The following CDC42SE2 variants were observed in gnomAD, a reference collection of about 807,000 sequenced individuals.
CDC42SE2 encodes the protein CDC42 small effector 2.
Under a neutral mutation model 11.5 loss-of-function variants are expected in CDC42SE2, and 3 were observed. The observed-to-expected ratio is 0.26, with a 90% confidence interval of 0.12 to 0.67. CDC42SE2 has a LOEUF of 0.67. Ranked by LOEUF, CDC42SE2 falls within the 30% of genes least tolerant of loss-of-function variation. The pLI, the probability that CDC42SE2 is intolerant of heterozygous loss-of-function variation, is 0.80. For missense variants in CDC42SE2, 82 were observed against 106.8 expected, an observed-to-expected ratio of 0.77 and a Z score of 1.02; for synonymous variants, 33 against 34.8, an observed-to-expected ratio of 0.95 and a Z score of 0.18.
chr5:131,310,756 G>A (rs868446790), intron 1 of CDC42SE2, among the ~76,000 whole-genome samples: 34 of 151,866 alleles, frequency 2.2e-4, no homozygotes, highest in South Asian at 8.3e-4. Context: ...TCAGAGACTA[G>A]GATTGCAACC....
In CDC42SE2 at chr5:131,338,925, G is replaced by C. The variant is rs112928061; in HGVS notation, c.-285-20284G>C. 9.0e-3 allele frequency among the ~76,000 whole-genome samples: 1,371 copies of C among 152,182 alleles called. 23 individuals are homozygous for C. The highest frequency in any genetic ancestry group is 0.032 in the African/African-American group (1,311 of 41,510). On this transcript the variant is annotated intron_variant, in intron 2 of 4. Coordinates refer to ENST00000505065, the MANE Select transcript of CDC42SE2 (RefSeq NM_001375635.1). ...TGAGCCTGACCTTGTGAATTTCGAA[G>C]CAGTAGCAAATGTGAACTGCTCTTT... is the stretch of plus-strand genomic sequence containing the variant.
In CDC42SE2 at chr5:131,394,400, CAGTGGGCCTTTAA is replaced by C. The variant is rs1287535138; in HGVS notation, c.*3311_*3323del. The stretch of plus-strand genomic sequence containing the variant: ...TTTAGCATTTCCAGTGCAGCATTAT[CAGTGGGCCTTTAA>C]AAATACTTCGTAAGTACATTAGCTT... On this transcript the variant is annotated 3_prime_UTR_variant, in exon 5 of 5. Coordinates refer to ENST00000505065, the MANE Select transcript of CDC42SE2 (RefSeq NM_001375635.1). The C allele has an allele frequency of 6.6e-6, 1 of 152,338 alleles. No homozygotes were observed. The highest frequency in any genetic ancestry group is 2.4e-5 in the African/African-American group (1 of 41,448). 9.4% of individuals were successfully genotyped at this position (152,338 alleles called of 1,614,324 possible). A position where few individuals can be genotyped will look rare whatever the true frequency, so the allele number is the denominator to read the frequency against.
intron 4 of CDC42SE2, among the ~76,000 whole-genome samples, chr5:131,389,418 A>G (rs750154989): frequency 4.6e-5 from 7 of 152,206 alleles, no homozygotes; most frequent in Non-Finnish European, 1.0e-4. Context: ...TATTATAGCA[A>G]TACCTTATAA....
chr5:131,286,808 A>G (rs1377608395), intron 1 of CDC42SE2, among the ~76,000 whole-genome samples: 2 of 151,906 alleles, frequency 1.3e-5, no homozygotes, highest in African/African-American at 4.8e-5. Flanking sequence ...TACAATATAT[A>G]ATACATATAC....
intron 3 of CDC42SE2, among the ~76,000 whole-genome samples, chr5:131,369,351 G>A (rs532753058): frequency 7.2e-5 from 11 of 152,164 alleles, no homozygotes; most frequent in South Asian, 2.1e-4. Context: ...AACCTAGTAC[G>A]CGACTATTAT....
At position 131,391,083 on chromosome 5, in the gene CDC42SE2, G is replaced by C. The variant is rs148384937; in HGVS notation, c.247G>C (p.Ala83Pro). ...CCAGATGCAGCTCGTGGATACGAAG[G>C]CGGGATAGCCCTGGTCCTTTCTCCA... Reference protein sequence around the residue: ...NVQMQLVDTKAG With the variant: ...NVQMQLVDTKPG The change falls in exon 5 of 5, where the codon GCG becomes CCG. Residue 83 changes from alanine to proline, a missense_variant. By Grantham distance (27) the Ala-to-Pro change is conservative. Coordinates refer to ENST00000505065, the MANE Select transcript of CDC42SE2 (RefSeq NM_001375635.1). The C allele has an allele frequency of 6.2e-7, 1 of 1,611,876 alleles. No individual in the cohort carries two copies. The highest frequency in any genetic ancestry group is 8.5e-7 in the Non-Finnish European group (1 of 1,178,616).
At chr5:131,346,197 C>T (rs1008875512) in intron 2 of CDC42SE2, among the ~76,000 whole-genome samples, 7 of 149,208 alleles carry the variant, frequency 4.7e-5, no homozygotes, top group African/African-American at 1.3e-4. Context: ...AATTAAAAGA[C>T]ACAGACTGGC....
upstream of CDC42SE2, among the ~76,000 whole-genome samples, chr5:131,260,051 A>G (rs1004767041): frequency 6.6e-6 from 1 of 152,262 alleles, no homozygotes; most frequent in African/African-American, 2.4e-5. Flanking sequence ...TGTAATGATA[A>G]TAACTAGCTT....
intron 1 of CDC42SE2, among the ~76,000 whole-genome samples, chr5:131,295,126 C>A (rs1202531964): frequency 4.2e-5 from 6 of 143,232 alleles, no homozygotes; most frequent in Non-Finnish European, 3.0e-5. Flanking sequence ...GACTAAGTCT[C>A]AAAAAAAAAA....
At chr5:131,252,391 C>T (rs555015590) in intron 1 of CDC42SE2, among the ~76,000 whole-genome samples, 39 of 152,302 alleles carry the variant, frequency 2.6e-4, no homozygotes, top group African/African-American at 8.2e-4. Flanking sequence ...CGGTGGCTCA[C>T]GCCTGTAATC....
intron 1 of CDC42SE2, among the ~76,000 whole-genome samples, chr5:131,307,538 T>C (rs1270763376): frequency 6.6e-6 from 1 of 152,136 alleles, no homozygotes; most frequent in African/African-American, 2.4e-5. Flanking sequence ...CGTGTGCATG[T>C]GTCTTTATAG....
intron 3 of CDC42SE2, among the ~76,000 whole-genome samples, chr5:131,382,162 A>G (rs1750346740): frequency 1.3e-5 from 2 of 152,356 alleles, no homozygotes; most frequent in Admixed American, 1.3e-4. Flanking sequence ...CTAATAACAC[A>G]GTATGATAGA....
chr5:131,328,026 G>A (rs143976055), intron 2 of CDC42SE2, among the ~76,000 whole-genome samples: 115 of 152,316 alleles, frequency 7.6e-4, no homozygotes, highest in South Asian at 6.4e-3. Flanking sequence ...AGAAGGGAGA[G>A]AGAGAACATG....
chr5:131,246,941 T>C (rs1756600112), intron 1 of CDC42SE2, among the ~76,000 whole-genome samples: 2 of 151,790 alleles, frequency 1.3e-5, no homozygotes, highest in African/African-American at 2.4e-5. Flanking sequence ...ATAGGGTTTC[T>C]CCATGTTGGC....
chr5:131,358,270 C>G (rs905421931), intron 2 of CDC42SE2, among the ~76,000 whole-genome samples: 2 of 152,114 alleles, frequency 1.3e-5, no homozygotes, highest in African/African-American at 4.8e-5. Flanking sequence ...TTCATCATAA[C>G]TTCAGGCTAA....
At chr5:131,262,727 A>G (rs1202292765), upstream of CDC42SE2, among the ~76,000 whole-genome samples, 1 of 152,246 alleles carries the variant, frequency 6.6e-6, no homozygotes, top group African/African-American at 2.4e-5. Context: ...TAGATTACTT[A>G]TAATACAATG....
chr5:131,391,045 T>A lies in CDC42SE2; in HGVS notation c.209T>A (p.Met70Lys). The A allele has an allele frequency of 6.2e-7, 1 of 1,613,436 alleles. No individual in the cohort carries two copies. The highest frequency in any genetic ancestry group is 1.1e-5 in the South Asian group (1 of 91,078). ...TCCAAGGGAGGTTATGGAGGTGGAATGCCTGCCAATGTCCAGATGCAGCTC... is the reference window on the plus strand; with the variant it reads ...TCCAAGGGAGGTTATGGAGGTGGAAAGCCTGCCAATGTCCAGATGCAGCTC... ...MQSKGGYGGG[M>K]PANVQMQLVD... Residue 70 changes from methionine to lysine, a missense_variant, in exon 5 of 5, where the codon ATG (methionine) becomes AAG (lysine). Physicochemically the swap from Met to Lys is moderately conservative, Grantham distance 95. Coordinates refer to ENST00000505065, the MANE Select transcript of CDC42SE2 (RefSeq NM_001375635.1).
chr5:131,235,558 G>T, the CDC42SE2 span, among the ~76,000 whole-genome samples: 4 of 151,702 alleles, frequency 2.6e-5, no homozygotes, highest in African/African-American at 9.7e-5. Context: ...AAAATGCTGG[G>T]ATTACAGGTG....
At chr5:131,372,882 A>T (rs1750050287) in intron 3 of CDC42SE2, among the ~76,000 whole-genome samples, 5 of 152,184 alleles carry the variant, frequency 3.3e-5, no homozygotes, top group Admixed American at 6.5e-5. Context: ...AAGATAATTT[A>T]TGTAAAGTGC....
Sources: gnomAD v4.1 joint callset for allele counts (sites outside exome capture counted in the v4.1 genomes callset) on GRCh38, gnomAD v4.1.1 for gene constraint, MANE v1.5 for transcripts, NCBI Gene and HGNC (gene_info 2026-07-23, HGNC 2026-07-21) for gene names.